WDHD1: variants seen among roughly 807,000 people sequenced by gnomAD.
The protein encoded by WDHD1 is WD repeat and HMG-box DNA binding protein 1.
A neutral mutation model predicts 135.4 loss-of-function variants in WDHD1; 111 were observed. The observed-to-expected ratio is 0.82, with a 90% CI of 0.70 to 0.96. The LOEUF is 0.96. Ranked by LOEUF, WDHD1 falls within the 40% of genes least tolerant of loss-of-function variation. The pLI is 0.00. For missense variants in WDHD1, 1,351 were observed against 1,336.3 expected, an observed-to-expected ratio of 1.01 and a Z score of -0.17; for synonymous variants, 434 against 439.0, an observed-to-expected ratio of 0.99 and a Z score of 0.14.
At position 54,966,569 on chromosome 14, in the gene WDHD1, A is replaced by C; in HGVS notation, c.2216T>G (p.Leu739Arg). ...FWRSVIFHNH[L>R]DYLAKNGYEY... is the part of the protein sequence containing the mutation. ...ATAACCATTTTTAGCTAAATAATCA[A>C]GGTGGTTGTGAAATATAACTGAACG... The change falls in exon 18 of 26, where the codon CTT becomes CGT. Residue 739 changes from leucine to arginine, a missense_variant. Leu to Arg is a moderately radical substitution (Grantham distance 102). This residue lies in a region of WDHD1 where 1,330 missense variants were observed against 1,296.1 expected (regional missense o/e 1.03). Coordinates refer to ENST00000360586, the MANE Select transcript of WDHD1 (RefSeq NM_007086.4). The C allele has an allele frequency of 6.2e-7, 1 of 1,608,426 alleles. No individual in the cohort carries two copies. The highest frequency in any genetic ancestry group is 8.5e-7 in the Non-Finnish European group (1 of 1,178,808).
chr14:54,983,459 G>A (rs2041650091), intron 15 of WDHD1, among the ~76,000 whole-genome samples: 1 of 151,886 alleles, frequency 6.6e-6, no homozygotes. Flanking sequence ...GATCACATGA[G>A]GTCAGGAGTT....
intron 10 of WDHD1, among the ~76,000 whole-genome samples, chr14:55,000,131 C>T (rs908168888): frequency 5.3e-5 from 8 of 152,106 alleles, no homozygotes; most frequent in South Asian, 2.1e-4. Flanking sequence ...AAACAAGGTG[C>T]CTGTTTAAAG....
intron 10 of WDHD1, among the ~76,000 whole-genome samples, chr14:54,998,739 C>T (rs1189177308): frequency 6.6e-6 from 1 of 152,096 alleles, no homozygotes; most frequent in Non-Finnish European, 1.5e-5. Context: ...GCCATGCTTG[C>T]ATGTACACTA....
chr14:55,010,183 A>G, intron 4 of WDHD1, 126 bp downstream of exon 4: 1 of 1,051,528 alleles, frequency 9.5e-7, no homozygotes. Flanking sequence ...ACTAGATAAA[A>G]GAATATATGA....
At chr14:54,990,691 C>G (rs1021188931) in intron 12 of WDHD1, among the ~76,000 whole-genome samples, 1 of 151,866 alleles carries the variant, frequency 6.6e-6, no homozygotes, top group Non-Finnish European at 1.5e-5. Context: ...CTGTATCATA[C>G]CTTGTTCCAA....
In WDHD1 at chr14:54,941,591, C is replaced by T. The variant is rs140174391; in HGVS notation, c.3289G>A (p.Glu1097Lys). The change falls in exon 26 of 26, where the codon GAA becomes AAA. Residue 1097 changes from glutamate to lysine, a missense_variant. Coordinates refer to ENST00000360586, the MANE Select transcript of WDHD1 (RefSeq NM_007086.4). Reference sequence around the variant, plus strand: ...TTCAGGTTCTCTTTTGCTTTTTCTTCCTGGTTTTCTGTTTCATCACTTTCA... The same window carrying T: ...TTCAGGTTCTCTTTTGCTTTTTCTTTCTGGTTTTCTGTTTCATCACTTTCA... ...VDESDETENQ[E>K]EKAKENLNLS... 2.0e-5 allele frequency: 32 copies of T among 1,613,604 alleles called. No individual in the cohort carries two copies. The African/African-American group carries it at 3.7e-4, about 19-fold the overall frequency.
intron 24 of WDHD1, among the ~76,000 whole-genome samples, chr14:54,950,576 A>G (rs1033721377): frequency 1.3e-5 from 2 of 152,216 alleles, no homozygotes; most frequent in East Asian, 1.9e-4. Context: ...CACTGTCAAC[A>G]TTAGACAGAT....
At chr14:55,011,441 C>G (rs2042167154) in intron 3 of WDHD1, among the ~76,000 whole-genome samples, 1 of 145,260 alleles carries the variant, frequency 6.9e-6, no homozygotes, top group Non-Finnish European at 1.5e-5. Flanking sequence ...GAAGAATCAC[C>G]TGAACCCGGG....
intron 7 of WDHD1, among the ~76,000 whole-genome samples, chr14:55,004,154 T>C (rs1307519605): frequency 1.3e-5 from 2 of 152,214 alleles, no homozygotes; most frequent in African/African-American, 2.4e-5. Flanking sequence ...AGACTCATCA[T>C]GTAGAAGCAA....
chr14:55,001,733 A>G (rs2041984662), intron 8 of WDHD1, among the ~76,000 whole-genome samples: 1 of 152,222 alleles, frequency 6.6e-6, no homozygotes, highest in South Asian at 2.1e-4. Context: ...AACTGTAAAT[A>G]TCTACGCATG....
At chr14:54,993,920 T>TA (rs1195873501) in intron 11 of WDHD1, among the ~76,000 whole-genome samples, 1 of 152,238 alleles carries the variant, frequency 6.6e-6, no homozygotes. Context: ...CAAAATTTTT[T>TA]AGAGTATAAA....
intron 10 of WDHD1, among the ~76,000 whole-genome samples, chr14:54,997,376 G>A (rs1277253696): frequency 3.9e-5 from 6 of 152,034 alleles, no homozygotes; most frequent in East Asian, 3.9e-4. Context: ...GATTGTAGGC[G>A]TTAGCCACCG....
chr14:55,007,487 G>A lies in WDHD1; in HGVS notation c.505-112C>T, dbSNP rs998157318. The A allele has an allele frequency of 1.0e-5, 7 of 693,756 alleles. No homozygotes were observed. The African/African-American group carries it at 1.1e-4, about 11-fold the overall frequency. 43.0% of individuals were successfully genotyped at this position (693,756 alleles called of 1,614,324 possible). A position where few individuals can be genotyped will look rare whatever the true frequency, so the allele number is the denominator to read the frequency against. On this transcript the variant is annotated intron_variant, in intron 6 of 25. Coordinates refer to ENST00000360586, the MANE Select transcript of WDHD1 (RefSeq NM_007086.4). ...AAATCAATATATATCTCAGAAAAAT[G>A]CAACTTAATGCACCTTAATTATAAT...
At chr14:54,950,935 T>C (rs1174637277) in intron 24 of WDHD1, among the ~76,000 whole-genome samples, 1 of 152,116 alleles carries the variant, frequency 6.6e-6, no homozygotes, top group Non-Finnish European at 1.5e-5. Flanking sequence ...AATAAAGATG[T>C]TCTTTGAAAC....
chr14:54,988,354 G>A (rs554999074), intron 13 of WDHD1, among the ~76,000 whole-genome samples: 53 of 152,094 alleles, frequency 3.5e-4, no homozygotes, highest in African/African-American at 1.3e-3. Flanking sequence ...AACATTCTTG[G>A]GTGATAAAGA....
intron 24 of WDHD1, among the ~76,000 whole-genome samples, chr14:54,946,738 T>C (rs1315706716): frequency 1.3e-5 from 2 of 152,196 alleles, no homozygotes; most frequent in African/African-American, 4.8e-5. Context: ...ACTGATCATG[T>C]TGGCCTTCCA....
intron 14 of WDHD1, among the ~76,000 whole-genome samples, chr14:54,985,249 G>C (rs1481443674): frequency 6.6e-6 from 1 of 152,186 alleles, no homozygotes; most frequent in Non-Finnish European, 1.5e-5. Context: ...AAAATAATGT[G>C]ATACAGAATG....
At chr14:54,972,962 G>A (rs1343849390) in intron 16 of WDHD1, among the ~76,000 whole-genome samples, 1 of 152,130 alleles carries the variant, frequency 6.6e-6, no homozygotes, top group African/African-American at 2.4e-5. Flanking sequence ...GTCTATATAA[G>A]GCATTCAAAC....
rs747595111 is a variant in WDHD1, at chr14:54,989,169, T to C, written c.1385A>G (p.Gln462Arg). 10 of 1,613,494 alleles carry C rather than the reference T, an allele frequency of 6.2e-6. No individual in the cohort carries two copies. The highest frequency in any genetic ancestry group is 1.7e-5 in the Admixed American group (1 of 59,954). ...IGIIRCYNDE[Q>R]DNAIDVEFHD... is the part of the protein sequence containing the mutation. ...GAACTCCACATCTATGGCATTGTCT[T>C]GCTCATCATTATAGCAGCGAATAAT... Residue 462 changes from glutamine (Q) to arginine (R), a missense_variant, in exon 13 of 26, where the codon CAA (glutamine) becomes CGA (arginine). Gln to Arg is a conservative substitution (Grantham distance 43). Transcript: ENST00000360586.
Sources: gnomAD v4.1 joint callset for allele counts (sites outside exome capture counted in the v4.1 genomes callset) on GRCh38, gnomAD v4.1.1 for gene constraint, gnomAD v4.1.1 regional missense constraint, MANE v1.5 for transcripts, NCBI Gene and HGNC (gene_info 2026-07-23, HGNC 2026-07-21) for gene names.